NCAM1: variants seen among roughly 807,000 people sequenced by gnomAD.
NCAM1 encodes antigen recognized by monoclonal antibody 5.1H11.
In NCAM1, 14 loss-of-function variants were observed where a neutral mutation model predicts 109.8. That is an observed-to-expected ratio of 0.13 (90% CI 0.08 to 0.20). NCAM1 has a LOEUF of 0.20. Ranked by LOEUF, NCAM1 falls within the 10% of genes least tolerant of loss-of-function variation. The pLI, the probability that NCAM1 is intolerant of heterozygous loss-of-function variation, is 1.00. For missense variants in NCAM1, 774 were observed against 1,109.9 expected, an observed-to-expected ratio of 0.70 and a Z score of 4.30; for synonymous variants, 418 against 442.9, an observed-to-expected ratio of 0.94 and a Z score of 0.70.
intron 1 of NCAM1, among the ~76,000 whole-genome samples, chr11:113,101,116 TG>T (rs10719387): frequency 0.07 from 10,690 of 152,170 alleles, 738 homozygotes; most frequent in Admixed American, 0.17. Context: ...TGCCCTTTCT[TG>T]GGAGAGTTAA....
intron 1 of NCAM1, among the ~76,000 whole-genome samples, chr11:113,147,084 A>T (rs189756695): frequency 2.6e-5 from 4 of 152,316 alleles, no homozygotes; most frequent in East Asian, 1.9e-4. Context: ...TTTTGAAAAT[A>T]TGCTGGCTTC....
At chr11:113,244,125 C>T (rs574945712) in intron 14 of NCAM1, among the ~76,000 whole-genome samples, 1 of 152,178 alleles carries the variant, frequency 6.6e-6, no homozygotes, top group African/African-American at 2.4e-5. Context: ...TCTACAGTGT[C>T]ACTCCTGTCC....
At chr11:113,009,016 C>A (rs1022408851) in intron 1 of NCAM1, among the ~76,000 whole-genome samples, 1 of 152,082 alleles carries the variant, frequency 6.6e-6, no homozygotes, top group Non-Finnish European at 1.5e-5. Flanking sequence ...GGTGTCACAG[C>A]GGGAGAGTGC....
chr11:113,226,653 G>T (rs1413303308), intron 9 of NCAM1, among the ~76,000 whole-genome samples: 1 of 152,140 alleles, frequency 6.6e-6, no homozygotes, highest in Non-Finnish European at 1.5e-5. Flanking sequence ...CACCGCACTT[G>T]TTCCAAAATT....
intron 1 of NCAM1, among the ~76,000 whole-genome samples, chr11:112,980,398 AC>A (rs1403411085): frequency 4.0e-5 from 6 of 151,864 alleles, no homozygotes; most frequent in African/African-American, 1.4e-4. Context: ...ATTATTAATA[AC>A]AGTCAAAAAA....
At chr11:113,027,970 A>G (rs1290278447) in intron 1 of NCAM1, among the ~76,000 whole-genome samples, 1 of 152,128 alleles carries the variant, frequency 6.6e-6, no homozygotes, top group Non-Finnish European at 1.5e-5. Flanking sequence ...TCATGATTTC[A>G]CTCATATGTA....
intron 1 of NCAM1, among the ~76,000 whole-genome samples, chr11:113,120,913 G>A (rs1187325366): frequency 3.3e-5 from 5 of 152,168 alleles, no homozygotes; most frequent in African/African-American, 1.2e-4. Context: ...ATGCTGTTTG[G>A]GAATTGAATG....
intron 1 of NCAM1, among the ~76,000 whole-genome samples, chr11:112,995,758 T>C (rs782670747): frequency 1.3e-5 from 2 of 152,236 alleles, no homozygotes; most frequent in Non-Finnish European, 2.9e-5. Flanking sequence ...TAGGGAATTA[T>C]AGAGGAGTGA....
chr11:113,045,598 T>A (rs1372474372), intron 1 of NCAM1, among the ~76,000 whole-genome samples: 2 of 152,230 alleles, frequency 1.3e-5, no homozygotes, highest in East Asian at 3.8e-4. Flanking sequence ...GGAGCATTAA[T>A]CTGAGGTTCT....
intron 1 of NCAM1, among the ~76,000 whole-genome samples, chr11:113,099,164 A>G (rs1316251636): frequency 6.6e-6 from 1 of 152,194 alleles, no homozygotes; most frequent in East Asian, 1.9e-4. Context: ...ACGTTTATTT[A>G]GTGGTGGAGA....
At chr11:113,030,021 C>T (rs1489612354) in intron 1 of NCAM1, among the ~76,000 whole-genome samples, 1 of 151,928 alleles carries the variant, frequency 6.6e-6, no homozygotes, top group Non-Finnish European at 1.5e-5. Context: ...ATTTCCTACA[C>T]ACCTGCTATG....
intron 14 of NCAM1, chr11:113,243,462 C>G (rs1945402216): frequency 4.5e-6 from 2 of 442,972 alleles, no homozygotes; most frequent in South Asian, 3.3e-5. Flanking sequence ...TCCAGGCTCC[C>G]CTTGGGTTGA....
chr11:113,223,263 T>C (rs1258995849), intron 9 of NCAM1, among the ~76,000 whole-genome samples: 17 of 152,132 alleles, frequency 1.1e-4, no homozygotes, highest in African/African-American at 4.1e-4. Context: ...GGGAAGATAG[T>C]CTAATGACAC....
chr11:113,260,448 C>A, intron 17 of NCAM1, 125 bp downstream of exon 17: 1 of 1,087,794 alleles, frequency 9.2e-7, no homozygotes, highest in Non-Finnish European at 1.3e-6. Context: ...ATTGGTTGCC[C>A]ATGCAAAGCT....
intron 17 of NCAM1, among the ~76,000 whole-genome samples, chr11:113,266,723 G>T (rs782366467): frequency 8.5e-5 from 13 of 152,158 alleles, no homozygotes; most frequent in African/African-American, 2.9e-4. Flanking sequence ...GAGTTTAAAG[G>T]TATTTGTCAT....
At chr11:113,084,313 A>G (rs782645111) in intron 1 of NCAM1, among the ~76,000 whole-genome samples, 16 of 152,178 alleles carry the variant, frequency 1.1e-4, no homozygotes, top group Non-Finnish European at 2.2e-4. Context: ...TCTATCTAAC[A>G]TTGTCAAACT....
intron 1 of NCAM1, among the ~76,000 whole-genome samples, chr11:113,055,950 T>C (rs1953681976): frequency 7.5e-6 from 1 of 134,062 alleles, no homozygotes; most frequent in African/African-American, 2.8e-5. Context: ...TAAATGTCCA[T>C]CAGTGGATGA....
chr11:113,018,226 A>G (rs1952269262), intron 1 of NCAM1, among the ~76,000 whole-genome samples: 1 of 151,526 alleles, frequency 6.6e-6, no homozygotes, highest in South Asian at 2.1e-4. Context: ...CATCTTAATC[A>G]TTTTCAAGTA....
At chr11:113,109,786 G>C (rs1370002500) in intron 1 of NCAM1, among the ~76,000 whole-genome samples, 1 of 152,108 alleles carries the variant, frequency 6.6e-6, no homozygotes, top group African/African-American at 2.4e-5. Context: ...TCTTGAATGT[G>C]GATCTTGAAT....
Sources: allele counts gnomAD v4.1 joint callset (sites outside exome capture counted in the v4.1 genomes callset), GRCh38; gene constraint gnomAD v4.1.1; transcripts MANE v1.5; gene names NCBI Gene and HGNC (gene_info 2026-07-23, HGNC 2026-07-21).